CNTNAP2: variants seen among roughly 807,000 people sequenced by gnomAD.
CNTNAP2 encodes contactin associated protein 2.
In CNTNAP2, 98 loss-of-function variants were observed where a neutral mutation model predicts 155.2. That is an observed-to-expected ratio of 0.63 (90% CI 0.54 to 0.75). The LOEUF (loss-of-function observed/expected upper bound fraction) is 0.75. Ranked by LOEUF, CNTNAP2 falls within the 30% of genes least tolerant of loss-of-function variation. The pLI, the probability that CNTNAP2 is intolerant of heterozygous loss-of-function variation, is 0.00. For missense variants in CNTNAP2, 1,727 were observed against 1,688.1 expected (o/e 1.02, Z -0.40); for synonymous variants, 651 against 631.2 (o/e 1.03, Z -0.47).
At chr7:148,295,692 C>A (rs1200785085) in intron 21 of CNTNAP2, among the ~76,000 whole-genome samples, 48 of 151,236 alleles carry the variant, frequency 3.2e-4, no homozygotes, top group Non-Finnish European at 3.5e-4. Context: ...AGGGTTTCAC[C>A]GTGTTAGCCA....
At chr7:146,727,368 A>T (rs1223441497) in intron 1 of CNTNAP2, among the ~76,000 whole-genome samples, 1 of 152,160 alleles carries the variant, frequency 6.6e-6, no homozygotes, top group Non-Finnish European at 1.5e-5. Context: ...ATCATTCTTA[A>T]AGCATAATCA....
intron 20 of CNTNAP2, among the ~76,000 whole-genome samples, chr7:148,230,303 T>A (rs1313805064): frequency 6.6e-6 from 1 of 152,100 alleles, no homozygotes; most frequent in Non-Finnish European, 1.5e-5. Context: ...AAAGGGATGG[T>A]TTTATTATGA....
intron 1 of CNTNAP2, among the ~76,000 whole-genome samples, chr7:146,716,886 A>G (rs1344132271): frequency 6.6e-6 from 1 of 152,244 alleles, no homozygotes; most frequent in African/African-American, 2.4e-5. Context: ...ATGCAGTTAC[A>G]GTATTTGATA....
intron 3 of CNTNAP2, among the ~76,000 whole-genome samples, chr7:146,894,907 A>G (rs1046493077): frequency 2.6e-5 from 4 of 152,130 alleles, no homozygotes; most frequent in Non-Finnish European, 4.4e-5. Context: ...TGAAAACACT[A>G]TGGAAATTGT....
At chr7:147,445,148 A>G (rs1198258894) in intron 10 of CNTNAP2, among the ~76,000 whole-genome samples, 1 of 152,162 alleles carries the variant, frequency 6.6e-6, no homozygotes, top group Non-Finnish European at 1.5e-5. Flanking sequence ...CAAGGACACA[A>G]AGTCAAACCA....
intron 16 of CNTNAP2, among the ~76,000 whole-genome samples, chr7:148,134,141 C>A (rs1343610252): frequency 6.6e-6 from 1 of 152,158 alleles, no homozygotes; most frequent in African/African-American, 2.4e-5. Context: ...ATTTTGCTTG[C>A]CTTTGCGGAT....
intron 14 of CNTNAP2, among the ~76,000 whole-genome samples, chr7:147,918,013 C>T (rs1020980981): frequency 6.6e-6 from 1 of 152,234 alleles, no homozygotes; most frequent in African/African-American, 2.4e-5. Flanking sequence ...AGTGCTGCTT[C>T]CCAAGGAAAC....
intron 1 of CNTNAP2, among the ~76,000 whole-genome samples, chr7:146,320,026 A>G (rs1205710549): frequency 2.6e-5 from 4 of 151,128 alleles, no homozygotes; most frequent in Non-Finnish European, 5.9e-5. Context: ...GTACAAAAAT[A>G]ATTAAAACTC....
intron 13 of CNTNAP2, among the ~76,000 whole-genome samples, chr7:147,829,051 C>T (rs530728679): frequency 6.6e-6 from 1 of 152,264 alleles, no homozygotes; most frequent in East Asian, 1.9e-4. Flanking sequence ...GCAAGTTCCC[C>T]ATTTCCCCTA....
chr7:146,557,980 G>A (rs1361623577), intron 1 of CNTNAP2, among the ~76,000 whole-genome samples: 1 of 152,156 alleles, frequency 6.6e-6, no homozygotes, highest in African/African-American at 2.4e-5. Context: ...AACAGAAAAT[G>A]TAATACAATC....
chr7:146,134,193 A>G (rs1464618030), intron 1 of CNTNAP2, among the ~76,000 whole-genome samples: 4 of 151,994 alleles, frequency 2.6e-5, no homozygotes, highest in African/African-American at 7.2e-5. Flanking sequence ...ATGGGAGTTC[A>G]CTCATGATTT....
At chr7:148,220,293 G>A (rs1795722510) in intron 19 of CNTNAP2, among the ~76,000 whole-genome samples, 1 of 152,154 alleles carries the variant, frequency 6.6e-6, no homozygotes, top group Non-Finnish European at 1.5e-5. Flanking sequence ...TAGTAGAGAT[G>A]GGGTTTCACC....
chr7:147,924,644 G>A (rs1281437098), intron 14 of CNTNAP2, among the ~76,000 whole-genome samples: 1 of 152,114 alleles, frequency 6.6e-6, no homozygotes, highest in Non-Finnish European at 1.5e-5. Flanking sequence ...AGAGAAAAGG[G>A]GAATGAGTGT....
At chr7:146,607,884 C>T (rs1799073745) in intron 1 of CNTNAP2, among the ~76,000 whole-genome samples, 1 of 152,132 alleles carries the variant, frequency 6.6e-6, no homozygotes, top group Non-Finnish European at 1.5e-5. Flanking sequence ...TCTGAATTTA[C>T]ATATTCTCTT....
chr7:146,716,213 GAAAAA>G (rs571237905), intron 1 of CNTNAP2, among the ~76,000 whole-genome samples: 2,280 of 113,018 alleles, frequency 0.02, 69 homozygotes, highest in African/African-American at 0.064. Context: ...AAGTCTGCAG[GAAAAA>G]AAAAAAAAAA....
intron 1 of CNTNAP2, among the ~76,000 whole-genome samples, chr7:146,720,670 C>T (rs1168584140): frequency 6.6e-6 from 1 of 151,786 alleles, no homozygotes; most frequent in Non-Finnish European, 1.5e-5. Context: ...ACTTCCATTT[C>T]CATTCACTGT....
At chr7:148,258,420 G>C (rs1796494824) in intron 20 of CNTNAP2, among the ~76,000 whole-genome samples, 1 of 152,160 alleles carries the variant, frequency 6.6e-6, no homozygotes, top group Admixed American at 6.5e-5. Context: ...GTTAGGAAGG[G>C]GCAGAAAACA....
At chr7:147,149,716 G>C (rs1801786926) in intron 8 of CNTNAP2, among the ~76,000 whole-genome samples, 1 of 152,142 alleles carries the variant, frequency 6.6e-6, no homozygotes, top group Non-Finnish European at 1.5e-5. Context: ...TACATGGATG[G>C]ATGGATAGAT....
chr7:147,477,387 A>G (rs1017956861), intron 10 of CNTNAP2, among the ~76,000 whole-genome samples: 1 of 152,192 alleles, frequency 6.6e-6, no homozygotes, highest in Non-Finnish European at 1.5e-5. Flanking sequence ...CCTCCAAGTA[A>G]TCAATTAATA....
Sources: gnomAD v4.1 joint callset for allele counts (sites outside exome capture counted in the v4.1 genomes callset) on GRCh38, gnomAD v4.1.1 for gene constraint, MANE v1.5 for transcripts, NCBI Gene and HGNC (gene_info 2026-07-23, HGNC 2026-07-21) for gene names.